The following FGD6 variants were observed in gnomAD, a reference collection of about 807,000 sequenced individuals.
FGD6 encodes the protein FYVE, RhoGEF and PH domain-containing protein 6.
A neutral mutation model predicts 149.4 loss-of-function variants in FGD6; 90 were observed. That is an observed-to-expected ratio of 0.60 (90% CI 0.51 to 0.72). The LOEUF (loss-of-function observed/expected upper bound fraction) is 0.72, where lower values mean the gene tolerates loss of function less well. Among genes scored for constraint, FGD6 ranks in the 30% least tolerant of loss-of-function variants. The probability of loss-of-function intolerance (pLI) is 0.00; values close to 1 mark genes in which losing one functional copy is unlikely to be tolerated. For synonymous variants in FGD6, 527 were observed against 584.0 expected (o/e 0.90, Z 1.41); for missense variants, 1,437 against 1,684.8 (o/e 0.85, Z 2.57).
chr12:95,167,104 C>T (rs546465340), intron 3 of FGD6, among the ~76,000 whole-genome samples: 12 of 152,200 alleles, frequency 7.9e-5, no homozygotes, highest in African/African-American at 2.9e-4. Context: ...ATCTGCCCAC[C>T]TTGGCCTCGC....
At chr12:95,153,115 CCATAT>C in intron 3 of FGD6, 122 bp from the exon 4 acceptor site, 1 of 761,726 alleles carries the variant, frequency 1.3e-6, no homozygotes, top group Non-Finnish European at 2.2e-6. Flanking sequence ...ACAGTTCATA[CCATAT>C]AACATTTCAA....
In FGD6 at chr12:95,092,679, T is replaced by C. The variant is rs1199358898; in HGVS notation, c.3747+20A>G. The C allele has an allele frequency of 1.2e-6, 2 of 1,612,848 alleles. No individual in the cohort carries two copies. Among genetic ancestry groups the C allele is most frequent in the Non-Finnish European group, 1.7e-6 (2 of 1,179,538 alleles). Reference sequence around the variant, plus strand: ...GAGACAGTAAAGACCACAATGGAGATGGGTGTTATCATCGCCAACCTTTCC... The same window carrying C: ...GAGACAGTAAAGACCACAATGGAGACGGGTGTTATCATCGCCAACCTTTCC... On this transcript the variant is annotated intron_variant, in intron 16 of 20. Transcript: ENST00000343958.
chr12:95,213,551 CA>C (rs1423686523), intron 1 of FGD6, among the ~76,000 whole-genome samples: 2 of 152,204 alleles, frequency 1.3e-5, no homozygotes, highest in African/African-American at 2.4e-5. Flanking sequence ...TATTTTACCA[CA>C]GTTGGAAGAA....
rs1877507587 is a variant in FGD6 at position 95,076,817 on chromosome 12, A to C, written c.*4703T>G. The C allele has an allele frequency of 1.3e-5, 1 of 78,584 alleles. No homozygotes were observed. Among genetic ancestry groups the C allele is most frequent in the African/African-American group, 5.0e-5 (1 of 19,882 alleles). 4.9% of individuals were successfully genotyped at this position (78,584 alleles called of 1,614,324 possible). A position where few individuals can be genotyped will look rare whatever the true frequency, so the allele number is the denominator to read the frequency against. ...ATTTACAATGCTAATTTTTTTATTT[A>C]TAAAGTATATATGGACAAAAAGATA... On this transcript the variant is annotated 3_prime_UTR_variant, in exon 21 of 21. Transcript: ENST00000343958.
At chr12:95,082,719 T>C (rs936476221) in intron 20 of FGD6, among the ~76,000 whole-genome samples, 12 of 150,656 alleles carry the variant, frequency 8.0e-5, no homozygotes, top group African/African-American at 2.9e-4. Context: ...TTCTTTAGTC[T>C]CAAAGTTTTA....
chr12:95,179,545 GGCT>G (rs1881220867), intron 2 of FGD6, among the ~76,000 whole-genome samples: 1 of 151,984 alleles, frequency 6.6e-6, no homozygotes, highest in African/African-American at 2.4e-5. Flanking sequence ...AGTACCTTGA[GGCT>G]GCTATTTAAA....
chr12:95,179,226 G>A (rs1283692917), intron 2 of FGD6, among the ~76,000 whole-genome samples: 4 of 152,054 alleles, frequency 2.6e-5, no homozygotes, highest in Non-Finnish European at 5.9e-5. Context: ...CCGGGGTGGT[G>A]ACTGATGTCT....
Position 95,122,341 on chromosome 12 carries a change from T to C in FGD6, c.3083-8640A>G, listed in dbSNP as rs771541366. Reference sequence around the variant, plus strand: ...TGATTTTAATTATTGTTGTAGCCCCTGCACCTAGAAGAAGATCTGCTATGC... The same window carrying C: ...TGATTTTAATTATTGTTGTAGCCCCCGCACCTAGAAGAAGATCTGCTATGC... On this transcript the variant is annotated intron_variant, in intron 8 of 20. Transcript: ENST00000343958. Among the ~76,000 whole-genome samples, 10 of 152,210 alleles carry C rather than the reference T, an allele frequency of 6.6e-5. No homozygotes were observed. The East Asian group carries it at 1.9e-3, about 29-fold the overall frequency.
intron 3 of FGD6, among the ~76,000 whole-genome samples, chr12:95,168,631 C>G (rs921068617): frequency 1.3e-5 from 2 of 151,840 alleles, no homozygotes; most frequent in African/African-American, 2.4e-5. Context: ...CCACTGCACT[C>G]CAGCCTGGGA....
At chr12:95,085,703 A>AT in intron 19 of FGD6, 77 bp downstream of exon 19, 1 of 1,454,068 alleles carries the variant, frequency 6.9e-7, no homozygotes. Flanking sequence ...AAATAAATGG[A>AT]TTTTTAAAAT....
intron 2 of FGD6, among the ~76,000 whole-genome samples, chr12:95,180,731 T>G (rs1310071544): frequency 2.0e-5 from 3 of 152,110 alleles, no homozygotes; most frequent in African/African-American, 7.2e-5. Flanking sequence ...TTTTAAAAGT[T>G]GTTATCACGT....
chr12:95,090,869 G>A (rs1878030588), intron 17 of FGD6, among the ~76,000 whole-genome samples: 1 of 152,022 alleles, frequency 6.6e-6, no homozygotes, highest in Admixed American at 6.6e-5. Context: ...AGGCTGAGGC[G>A]GGTGGATCAT....
intron 17 of FGD6, among the ~76,000 whole-genome samples, chr12:95,090,148 A>G (rs936405746): frequency 4.6e-5 from 7 of 152,196 alleles, no homozygotes; most frequent in Admixed American, 2.6e-4. Context: ...TGAGAAGATA[A>G]TAAGATAAAA....
chr12:95,109,340 G>A (rs1445653465), intron 9 of FGD6, among the ~76,000 whole-genome samples: 8 of 152,188 alleles, frequency 5.3e-5, no homozygotes, highest in African/African-American at 1.7e-4. Flanking sequence ...CCTGTGTAAA[G>A]ACAATTTTTG....
chr12:95,157,180 TAC>T (rs1316409059), intron 3 of FGD6, among the ~76,000 whole-genome samples: 1 of 152,236 alleles, frequency 6.6e-6, no homozygotes, highest in Non-Finnish European at 1.5e-5. Flanking sequence ...CCACTAATCT[TAC>T]AGTTTGTGTA....
intron 20 of FGD6, among the ~76,000 whole-genome samples, chr12:95,083,208 C>T (rs1877757192): frequency 6.6e-6 from 1 of 150,906 alleles, no homozygotes; most frequent in African/African-American, 2.4e-5. Context: ...ACTGCCATAG[C>T]AAGGCTTTTT....
At chr12:95,092,182 C>T (rs1295573726) in intron 16 of FGD6, among the ~76,000 whole-genome samples, 1 of 152,224 alleles carries the variant, frequency 6.6e-6, no homozygotes, top group Admixed American at 6.5e-5. Context: ...CACGTCTCTG[C>T]AACTCTACCA....
At chr12:95,207,793 T>A (rs1055718020) in intron 2 of FGD6, among the ~76,000 whole-genome samples, 4 of 152,154 alleles carry the variant, frequency 2.6e-5, no homozygotes, top group Admixed American at 2.6e-4. Context: ...TGAAAGGATA[T>A]CACAGCATAA....
At chr12:95,175,861 G>C (rs11107925) in intron 2 of FGD6, among the ~76,000 whole-genome samples, 35,275 of 151,350 alleles carry the variant, frequency 0.23, 4,502 homozygotes, top group African/African-American at 0.33. Flanking sequence ...GGGTAAAGGG[G>C]TGAGGAGGAA....
Sources: gnomAD v4.1 joint callset for allele counts (sites outside exome capture counted in the v4.1 genomes callset) on GRCh38, gnomAD v4.1.1 for gene constraint, MANE v1.5 for transcripts, NCBI Gene and HGNC (gene_info 2026-07-23, HGNC 2026-07-21) for gene names.